FAM184B: variants seen among roughly 807,000 people sequenced by gnomAD.
FAM184B encodes protein FAM184B.
In FAM184B, 111 loss-of-function variants were observed where a neutral mutation model predicts 135.9. That is an observed-to-expected ratio of 0.82 (90% CI 0.70 to 0.96). The LOEUF (loss-of-function observed/expected upper bound fraction) is 0.96. Among genes scored for constraint, FAM184B ranks in the 40% least tolerant of loss-of-function variants. The pLI is 0.00. For missense variants in FAM184B, 1,375 were observed against 1,323.9 expected, an observed-to-expected ratio of 1.04 and a Z score of -0.60; for synonymous variants, 552 against 524.8, an observed-to-expected ratio of 1.05 and a Z score of -0.71.
chr4:17,766,034 G>A (rs182729491), intron 1 of FAM184B, among the ~76,000 whole-genome samples: 74 of 152,312 alleles, frequency 4.9e-4, no homozygotes, highest in Admixed American at 7.2e-4. Context: ...GACCTTCCCC[G>A]TGAGTGTTAC....
At position 17,781,120 on chromosome 4, in the gene FAM184B, C is replaced by T; in HGVS notation, c.141+39G>A. On this transcript the variant is annotated intron_variant, in intron 1 of 17. Transcript: ENST00000265018. This position sits in a 1 kb window ranked among gnomAD's most constrained non-coding sequence, Gnocchi z 6.5. Reference sequence around the variant, plus strand: ...GCACTGACTCCCGGCTCGGGCGCCCCGGGCGTGCAGCTCGCTGGCCCGCTG... The same window carrying T: ...GCACTGACTCCCGGCTCGGGCGCCCTGGGCGTGCAGCTCGCTGGCCCGCTG... 6.8e-7 allele frequency: 1 copy of T among 1,479,188 alleles called. No homozygotes were observed. Among genetic ancestry groups the T allele is most frequent in the Non-Finnish European group, 9.0e-7 (1 of 1,112,022 alleles). 91.6% of individuals were successfully genotyped at this position (1,479,188 alleles called of 1,614,324 possible).
chr4:17,729,974 A>C (rs1311130080), intron 1 of FAM184B, among the ~76,000 whole-genome samples: 1 of 152,226 alleles, frequency 6.6e-6, no homozygotes, highest in African/African-American at 2.4e-5. Flanking sequence ...TCCGAGCTAC[A>C]GGAGGAAATT....
chr4:17,663,629 C>G (rs1167686770), intron 8 of FAM184B, among the ~76,000 whole-genome samples: 3 of 151,784 alleles, frequency 2.0e-5, no homozygotes, highest in Non-Finnish European at 4.4e-5. Context: ...CACACACACA[C>G]ACACACACAC....
chr4:17,719,840 A>G (rs1402300166), intron 1 of FAM184B, among the ~76,000 whole-genome samples: 1 of 152,202 alleles, frequency 6.6e-6, no homozygotes, highest in African/African-American at 2.4e-5. Context: ...AGCTCATCAG[A>G]GTCACTAGTG....
chr4:17,748,522 T>TC (rs1289386270), intron 1 of FAM184B, among the ~76,000 whole-genome samples: 1 of 147,484 alleles, frequency 6.8e-6, no homozygotes, highest in East Asian at 2.0e-4. Flanking sequence ...TTTTTTTTTT[T>TC]TTTTTTTTTT....
At chr4:17,751,390 G>A (rs752259248) in intron 1 of FAM184B, among the ~76,000 whole-genome samples, 10 of 151,110 alleles carry the variant, frequency 6.6e-5, no homozygotes, top group Non-Finnish European at 1.5e-4. Context: ...TCCATGTGTT[G>A]CCTGGAAGTG....
chr4:17,729,408 C>T (rs1717720263), intron 1 of FAM184B, among the ~76,000 whole-genome samples: 1 of 152,212 alleles, frequency 6.6e-6, no homozygotes, highest in Non-Finnish European at 1.5e-5. Context: ...TAGTGGTTCT[C>T]CCAGCATGCA....
intron 5 of FAM184B, among the ~76,000 whole-genome samples, chr4:17,701,063 C>T (rs1294730656): frequency 6.6e-6 from 1 of 152,312 alleles, no homozygotes; most frequent in African/African-American, 2.4e-5. Context: ...GACAGTGAGA[C>T]TGCTCTCCCC....
At chr4:17,665,610 G>A (rs144781534) in intron 7 of FAM184B, among the ~76,000 whole-genome samples, 448 of 152,284 alleles carry the variant, frequency 2.9e-3, no homozygotes, top group African/African-American at 0.01. Flanking sequence ...TGTGTTCCAG[G>A]GATCCTGGGA....
chr4:17,681,893 C>G (rs147812440), intron 7 of FAM184B, among the ~76,000 whole-genome samples: 135 of 152,318 alleles, frequency 8.9e-4, no homozygotes, highest in Admixed American at 4.2e-3. Context: ...GCTTCCTCTC[C>G]CATATGGGCT....
rs557312043 is a variant in FAM184B, at chr4:17,715,431, C to T, written c.142-5787G>A. Among the ~76,000 whole-genome samples the T allele has an allele frequency of 3.9e-5, 6 of 152,084 alleles. No homozygotes were observed. The East Asian group carries it at 5.8e-4, about 15-fold the overall frequency. On this transcript the variant is annotated intron_variant, in intron 1 of 17. Coordinates refer to ENST00000265018, the MANE Select transcript of FAM184B (RefSeq NM_015688.2). ...TGGAGGTTGCAGTGAGCCGAGACTG[C>T]GCCACTGTCACTCTAGCCTGGGTGA...
At chr4:17,776,472 T>C (rs1360485613) in intron 1 of FAM184B, among the ~76,000 whole-genome samples, 1 of 152,200 alleles carries the variant, frequency 6.6e-6, no homozygotes, top group Non-Finnish European at 1.5e-5. Flanking sequence ...AACTGCAACC[T>C]CCGCCTCTCG....
At position 17,705,095 on chromosome 4, in the gene FAM184B, G is replaced by C. The variant is rs916410883; in HGVS notation, c.1282C>G (p.Leu428Val). 2.6e-6 allele frequency: 4 copies of C among 1,551,728 alleles called. 1 individual carries two copies. Among genetic ancestry groups the C allele is most frequent in the Admixed American group, 3.9e-5 (2 of 51,006 alleles). The change falls in exon 5 of 18, where the codon CTA (leucine) becomes GTA (valine). Residue 428 changes from leucine to valine, a missense_variant. Leu to Val is a conservative substitution (Grantham distance 32). Transcript: ENST00000265018. ...ACCAAGTCTTCTAGTCGCTTCACTA[G>C]CTGGTCTTTGAGATGTTTCTTCTCC... is the stretch of plus-strand genomic sequence containing the variant. ...EEEKKHLKDQ[L>V]VKRLEDLVKK...
chr4:17,669,507 T>C (rs1452682862), intron 7 of FAM184B, among the ~76,000 whole-genome samples: 2 of 152,076 alleles, frequency 1.3e-5, no homozygotes, highest in Admixed American at 6.6e-5. Context: ...AAAAGGAAAA[T>C]TCAAGGTTAC....
At chr4:17,714,138 C>T (rs770451142) in intron 1 of FAM184B, among the ~76,000 whole-genome samples, 1 of 152,162 alleles carries the variant, frequency 6.6e-6, no homozygotes, top group Non-Finnish European at 1.5e-5. Flanking sequence ...AGTAGGTTCA[C>T]AGTAAGTATC....
At chr4:17,716,411 T>A (rs1019603625) in intron 1 of FAM184B, among the ~76,000 whole-genome samples, 1 of 152,144 alleles carries the variant, frequency 6.6e-6, no homozygotes, top group Non-Finnish European at 1.5e-5. Context: ...GGTGTTATTA[T>A]GGCTCACTGC....
intron 1 of FAM184B, among the ~76,000 whole-genome samples, chr4:17,760,357 A>C (rs1284141680): frequency 1.3e-5 from 2 of 151,756 alleles, no homozygotes; most frequent in Non-Finnish European, 2.9e-5. Flanking sequence ...CCAGGTACTC[A>C]GGTTGCTGAG....
At chr4:17,649,717 C>T (rs1022507213) in intron 11 of FAM184B, among the ~76,000 whole-genome samples, 2 of 152,050 alleles carry the variant, frequency 1.3e-5, no homozygotes, top group African/African-American at 4.8e-5. Context: ...AAGATATATG[C>T]AATAAAACTC....
chr4:17,727,704 A>C (rs1290066954), intron 1 of FAM184B, among the ~76,000 whole-genome samples: 1 of 152,218 alleles, frequency 6.6e-6, no homozygotes, highest in Non-Finnish European at 1.5e-5. Flanking sequence ...TCATGAGAAC[A>C]GCATGGGAAA....
Sources: gnomAD v4.1 joint callset for allele counts (sites outside exome capture counted in the v4.1 genomes callset) on GRCh38, gnomAD v4.1.1 for gene constraint, Gnocchi (gnomAD v3.1) non-coding constraint, MANE v1.5 for transcripts, NCBI Gene and HGNC (gene_info 2026-07-23, HGNC 2026-07-21) for gene names.